Variants in TRAPPC9 observed in about 807,000 individuals in gnomAD.
The protein encoded by TRAPPC9 is trafficking protein particle complex subunit 9, also known as IKK2 binding protein.
A neutral mutation model predicts 124.0 loss-of-function variants in TRAPPC9; 83 were observed. That is an observed-to-expected ratio of 0.67 (90% CI 0.56 to 0.80). The LOEUF (loss-of-function observed/expected upper bound fraction) is 0.80. Ranked by LOEUF, TRAPPC9 falls within the 30% of genes least tolerant of loss-of-function variation. The pLI is 0.00. For missense variants in TRAPPC9, 1,302 were observed against 1,508.3 expected (o/e 0.86, Z 2.27); for synonymous variants, 638 against 617.5 (o/e 1.03, Z -0.49).
intron 17 of TRAPPC9, among the ~76,000 whole-genome samples, chr8:140,175,490 CA>C (rs1193713045): frequency 1.3e-5 from 2 of 152,038 alleles, no homozygotes; most frequent in African/African-American, 2.4e-5. Context: ...ATCACAGCCT[CA>C]AACAAAAGAA....
chr8:140,193,919 C>T (rs535556677), intron 17 of TRAPPC9, among the ~76,000 whole-genome samples: 3 of 152,350 alleles, frequency 2.0e-5, no homozygotes, highest in East Asian at 1.9e-4. Context: ...TAGAAGCTAA[C>T]ACATTTTGTC....
At chr8:140,242,309 G>A (rs2063879375) in intron 16 of TRAPPC9, among the ~76,000 whole-genome samples, 1 of 152,218 alleles carries the variant, frequency 6.6e-6, no homozygotes. Flanking sequence ...CTCCCGTGAA[G>A]GCTCAGATAA....
At chr8:139,827,807 T>C (rs1825738660) in intron 21 of TRAPPC9, among the ~76,000 whole-genome samples, 1 of 152,114 alleles carries the variant, frequency 6.6e-6, no homozygotes, top group Non-Finnish European at 1.5e-5. Context: ...TGCTGCAGGC[T>C]GTACAGGGAG....
intron 21 of TRAPPC9, among the ~76,000 whole-genome samples, chr8:139,748,518 TGGGTGTGAGGGTGTGCAGGGGTCAGAGC>T (rs1324254837): frequency 5.1e-5 from 7 of 137,796 alleles, no homozygotes; most frequent in Non-Finnish European, 6.3e-5. Context: ...GGGGTCAGAG[TGGGTGTGAGGGTGTGCAGGGGTCAGAGC>T]GGGTGTGTGG....
intron 17 of TRAPPC9, among the ~76,000 whole-genome samples, chr8:140,071,638 C>T (rs1406381360): frequency 7.9e-5 from 12 of 151,584 alleles, no homozygotes; most frequent in East Asian, 2.0e-4. Context: ...TAGATGGGGA[C>T]GGTAACGCCT....
intron 21 of TRAPPC9, among the ~76,000 whole-genome samples, chr8:139,779,610 C>T (rs964701815): frequency 2.6e-5 from 4 of 152,032 alleles, no homozygotes; most frequent in Admixed American, 1.3e-4. Context: ...ACAGTATACA[C>T]GAAGATGTAT....
At chr8:139,957,999 T>C (rs1835111080) in intron 19 of TRAPPC9, among the ~76,000 whole-genome samples, 1 of 152,188 alleles carries the variant, frequency 6.6e-6, no homozygotes, top group African/African-American at 2.4e-5. Flanking sequence ...ACCCTGAGTG[T>C]GACATGGTGG....
Position 140,003,601 on chromosome 8 carries a change from CAAAAAAA to C in TRAPPC9, c.2700-14772_2700-14766del, listed in dbSNP as rs58826807. 7.7e-4 allele frequency among the ~76,000 whole-genome samples: 70 copies of C among 91,390 alleles called. 1 individual carries two copies. Among genetic ancestry groups the C allele is most frequent in the African/African-American group, 1.1e-3 (36 of 31,712 alleles). 60.0% of individuals were successfully genotyped at this position (91,390 alleles called of 152,430 possible). A position where few individuals can be genotyped will look rare whatever the true frequency, so the allele number is the denominator to read the frequency against. On this transcript the variant is annotated intron_variant, in intron 18 of 22. Coordinates refer to ENST00000438773, the MANE Select transcript of TRAPPC9 (RefSeq NM_001160372.4). ...TGGGTGACAGAGTGAGACCCTGTCACAAAAAAAAAAAAAAAAAAAAAGTGCAAATTAA... is the reference window on the plus strand; with the variant it reads ...TGGGTGACAGAGTGAGACCCTGTCACAAAAAAAAAAAAAAGTGCAAATTAA...
At chr8:139,981,451 C>T (rs1166082521) in intron 19 of TRAPPC9, among the ~76,000 whole-genome samples, 2 of 152,214 alleles carry the variant, frequency 1.3e-5, no homozygotes, top group East Asian at 1.9e-4. Flanking sequence ...TCATCTGTAA[C>T]TCATACTGCA....
At position 140,042,807 on chromosome 8, in the gene TRAPPC9, G is replaced by T. The variant is rs569915627; in HGVS notation, c.2557-18728C>A. Among the ~76,000 whole-genome samples, 33 of 152,316 alleles carry T rather than the reference G, an allele frequency of 2.2e-4. 1 individual carries two copies. Among genetic ancestry groups the T allele is most frequent in the Admixed American group, 1.3e-3 (20 of 15,308 alleles). On this transcript the variant is annotated intron_variant, in intron 17 of 22. Transcript: ENST00000438773. ...TATTCAACGACTCTTCTAGTCTGTG[G>T]CCTTTGCTTCTTTCTCATGCCAGCA...
intron 20 of TRAPPC9, among the ~76,000 whole-genome samples, chr8:139,890,345 G>C (rs1486416158): frequency 6.6e-6 from 1 of 152,222 alleles, no homozygotes; most frequent in Admixed American, 6.5e-5. Context: ...CAGGCCCAGG[G>C]ACATTTGCAG....
At chr8:139,915,714 A>G (rs1304566676) in intron 19 of TRAPPC9, among the ~76,000 whole-genome samples, 1 of 152,186 alleles carries the variant, frequency 6.6e-6, no homozygotes, top group Admixed American at 6.5e-5. Context: ...TCTTCCCTGA[A>G]TGGGCAGAGG....
intron 17 of TRAPPC9, among the ~76,000 whole-genome samples, chr8:140,164,392 C>T (rs1018877061): frequency 1.3e-5 from 2 of 152,214 alleles, no homozygotes; most frequent in Non-Finnish European, 1.5e-5. Flanking sequence ...GGTCTCCCTG[C>T]TATTAATCGT....
At chr8:139,779,267 CTT>C (rs1002907713) in intron 21 of TRAPPC9, among the ~76,000 whole-genome samples, 4 of 152,114 alleles carry the variant, frequency 2.6e-5, no homozygotes, top group Non-Finnish European at 5.9e-5. Context: ...AAAACCAACT[CTT>C]TCAAAAACTA....
intron 19 of TRAPPC9, among the ~76,000 whole-genome samples, chr8:139,964,958 G>A (rs1328892003): frequency 6.6e-6 from 1 of 152,170 alleles, no homozygotes; most frequent in African/African-American, 2.4e-5. Context: ...GCCTAACTGG[G>A]GCTGTTGCTC....
chr8:139,968,478 C>G (rs141909610), intron 19 of TRAPPC9, among the ~76,000 whole-genome samples: 2 of 152,120 alleles, frequency 1.3e-5, no homozygotes, highest in Non-Finnish European at 2.9e-5. Context: ...GGGACTCGGC[C>G]GGCCTTTGGG....
chr8:140,422,943 C>A (rs2070274057), intron 5 of TRAPPC9, among the ~76,000 whole-genome samples: 1 of 152,104 alleles, frequency 6.6e-6, no homozygotes, highest in Non-Finnish European at 1.5e-5. Flanking sequence ...GACACCAGGT[C>A]ACATCCACCA....
intron 17 of TRAPPC9, among the ~76,000 whole-genome samples, chr8:140,125,958 T>C (rs898110087): frequency 6.6e-6 from 1 of 151,994 alleles, no homozygotes; most frequent in African/African-American, 2.4e-5. Context: ...AGTGAAGAAG[T>C]GGTGTTAATT....
chr8:140,365,744 A>AT lies in TRAPPC9; in HGVS notation c.1351+5219dup, dbSNP rs903532576. Among the ~76,000 whole-genome samples, 8 of 152,238 alleles carry AT rather than the reference A, an allele frequency of 5.3e-5. No individual in the cohort carries two copies. The East Asian group carries it at 1.5e-3, about 29-fold the overall frequency. ...AACAATCACCTTTTGTGAACAATCA[A>AT]TTTTTTGTAACATCTAATAAGGACA... On this transcript the variant is annotated intron_variant, in intron 8 of 22. Transcript: ENST00000438773.
Sources: allele counts gnomAD v4.1 joint callset (sites outside exome capture counted in the v4.1 genomes callset), GRCh38; gene constraint gnomAD v4.1.1; transcripts MANE v1.5; gene names NCBI Gene and HGNC (gene_info 2026-07-23, HGNC 2026-07-21).